Variants in MLLT10 observed in about 807,000 individuals in gnomAD.
MLLT10 encodes the protein protein AF-10.
MLLT10 carries 30 observed loss-of-function variants against 129.1 expected under a neutral mutation model. The observed-to-expected ratio is 0.23, with a 90% CI of 0.17 to 0.32. The LOEUF (loss-of-function observed/expected upper bound fraction) is 0.32, where lower values mean the gene tolerates loss of function less well. MLLT10 is among the 10% of genes least tolerant of loss of function. MLLT10 has a pLI of 1.00. For synonymous variants in MLLT10, 490 were observed against 446.4 expected (o/e 1.10, Z -1.23); for missense variants, 1,119 against 1,268.3 (o/e 0.88, Z 1.79).
chr10:21,656,380 T>C (rs917206455), intron 9 of MLLT10, among the ~76,000 whole-genome samples: 2 of 152,048 alleles, frequency 1.3e-5, no homozygotes, highest in Non-Finnish European at 2.9e-5. Context: ...ATGTACACAA[T>C]GTGTAGACTC....
intron 8 of MLLT10, among the ~76,000 whole-genome samples, chr10:21,632,960 A>G (rs1327509341): frequency 6.6e-6 from 1 of 152,214 alleles, no homozygotes; most frequent in East Asian, 1.9e-4. Flanking sequence ...CTTAGGATCT[A>G]TTAAACATGG....
chr10:21,735,164 G>A lies in MLLT10; in HGVS notation c.2884G>A (p.Asp962Asn). The stretch of plus-strand genomic sequence containing the variant: ...TGCCTCAGGACTAGGATTACTTTCT[G>A]ACCAGCAACGACAAATACTTATTCA... The part of the protein sequence containing the change: ...NSASGLGLLS[D>N]QQRQILIHQQ... The change falls in exon 21 of 23, where the codon GAC becomes AAC. Residue 962 changes from aspartate to asparagine, a missense_variant. Physicochemically the swap from Asp to Asn is conservative, Grantham distance 23. This residue lies in a region of MLLT10 where 1,004 missense variants were observed against 1,008.7 expected (regional missense o/e 1.00). Transcript: ENST00000307729. 6.2e-7 allele frequency: 1 copy of A among 1,613,936 alleles called. No individual in the cohort carries two copies. The highest frequency in any genetic ancestry group is 1.1e-5 in the South Asian group (1 of 91,064).
chr10:21,705,120 G>A (rs755550267), intron 13 of MLLT10, among the ~76,000 whole-genome samples: 1 of 152,182 alleles, frequency 6.6e-6, no homozygotes, highest in East Asian at 1.9e-4. Flanking sequence ...CAGCCAGCCA[G>A]TGTGGTGTGC....
intron 11 of MLLT10, among the ~76,000 whole-genome samples, chr10:21,680,711 T>C (rs188502347): frequency 2.6e-3 from 389 of 152,136 alleles, no homozygotes; most frequent in East Asian, 9.1e-3. Flanking sequence ...GTGGCTCACG[T>C]CGGTAATCCC....
At chr10:21,741,111 T>C (rs1197295479) in intron 22 of MLLT10, among the ~76,000 whole-genome samples, 1 of 152,222 alleles carries the variant, frequency 6.6e-6, no homozygotes, top group Non-Finnish European at 1.5e-5. Context: ...GTAACGAGAA[T>C]TATTCAAAAT....
chr10:21,706,606 C>T (rs1340039571), intron 13 of MLLT10, among the ~76,000 whole-genome samples: 4 of 152,190 alleles, frequency 2.6e-5, no homozygotes, highest in African/African-American at 7.2e-5. Context: ...ATTCCATTCA[C>T]AGTCTTTTTC....
chr10:21,743,323 G>T lies in MLLT10; in HGVS notation c.*1340G>T, dbSNP rs1184539995. 3.6e-5 allele frequency: 8 copies of T among 220,654 alleles called. No homozygotes were observed. In the Admixed American group the frequency reaches 4.6e-4, roughly 13 times the overall value. The allele number at this position is 220,654 out of a possible 1,614,324, so 13.7% of individuals were successfully genotyped here. A position where few individuals can be genotyped will look rare whatever the true frequency, so the allele number is the denominator to read the frequency against. The stretch of plus-strand genomic sequence containing the variant: ...AAATAAAGTTTTGTGAATCTGTTTT[G>T]TATTGTGACAAATTCATAAGATAAC... On this transcript the variant is annotated 3_prime_UTR_variant, in exon 23 of 23. Transcript: ENST00000307729.
At chr10:21,556,530 T>C (rs892437305) in intron 3 of MLLT10, 6 of 736,766 alleles carry the variant, frequency 8.1e-6, no homozygotes, top group African/African-American at 3.6e-5. Flanking sequence ...TGAGTGTAGA[T>C]TTCTTCCATT....
At chr10:21,695,982 C>T (rs1176404645) in intron 13 of MLLT10, among the ~76,000 whole-genome samples, 2 of 146,904 alleles carry the variant, frequency 1.4e-5, no homozygotes, top group African/African-American at 5.0e-5. Context: ...GTGGTCTGCC[C>T]TTCCACTGAA....
intron 16 of MLLT10, among the ~76,000 whole-genome samples, chr10:21,729,894 C>CT (rs778999005): frequency 1.8e-4 from 28 of 152,074 alleles, no homozygotes; most frequent in Non-Finnish European, 3.7e-4. Flanking sequence ...AATACAAGTG[C>CT]TGTTTGTTTT....
chr10:21,652,055 GGC>G (rs561842200), intron 9 of MLLT10, among the ~76,000 whole-genome samples: 205 of 151,984 alleles, frequency 1.3e-3, no homozygotes, highest in Non-Finnish European at 2.4e-3. Context: ...TGGGACTACA[GGC>G]GCGTGCCACT....
intron 8 of MLLT10, among the ~76,000 whole-genome samples, chr10:21,636,427 G>A (rs2047466062): frequency 6.6e-6 from 1 of 152,010 alleles, no homozygotes; most frequent in Non-Finnish European, 1.5e-5. Context: ...ACTGCGACCG[G>A]CCCATGATTT....
At chr10:21,648,060 C>A (rs570769993) in intron 8 of MLLT10, among the ~76,000 whole-genome samples, 27 of 152,138 alleles carry the variant, frequency 1.8e-4, no homozygotes, top group Non-Finnish European at 3.5e-4. Flanking sequence ...AGTTCTAGTA[C>A]CATTATTAAG....
intron 14 of MLLT10, among the ~76,000 whole-genome samples, chr10:21,725,675 C>T (rs926310001): frequency 1.5e-4 from 22 of 145,156 alleles, no homozygotes; most frequent in East Asian, 6.5e-4. Flanking sequence ...GAGCCGAGAA[C>T]GCGCCATTGC....
At chr10:21,626,359 C>T (rs373928484) in intron 8 of MLLT10, 30 of 673,258 alleles carry the variant, frequency 4.5e-5, no homozygotes, top group African/African-American at 2.0e-4. Context: ...CTAGAAATCT[C>T]GCACGCGTGC....
chr10:21,735,244 T>G lies in MLLT10; in HGVS notation c.2955+9T>G. The G allele has an allele frequency of 6.3e-7, 1 of 1,585,080 alleles. No individual in the cohort carries two copies. The highest frequency in any genetic ancestry group is 1.1e-5 in the South Asian group (1 of 90,164). On this transcript the variant is annotated intron_variant, in intron 21 of 22. Coordinates refer to ENST00000307729, the MANE Select transcript of MLLT10 (RefSeq NM_001195626.3). ...CTCAACAGCTCACACCAGTAAGTTC[T>G]TTCTTTTGATAATATCTTATTAGGA...
chr10:21,669,516 ATTAAC>A (rs1390535701), intron 9 of MLLT10, among the ~76,000 whole-genome samples: 1 of 152,196 alleles, frequency 6.6e-6, no homozygotes, highest in Non-Finnish European at 1.5e-5. Context: ...ATAAAAAAGT[ATTAAC>A]TTATCCAACA....
At chr10:21,536,172 C>T (rs1277239966) in intron 2 of MLLT10, among the ~76,000 whole-genome samples, 2 of 152,182 alleles carry the variant, frequency 1.3e-5, no homozygotes, top group Non-Finnish European at 2.9e-5. Flanking sequence ...AATTCCTGAC[C>T]TCAGGTGATC....
chr10:21,562,823 T>G lies in MLLT10; in HGVS notation c.241-23471T>G, dbSNP rs1251157879. On this transcript the variant is annotated intron_variant, in intron 3 of 22. Transcript: ENST00000307729. ...ACATATACTTTGTTTTTTTTGTTTT[T>G]TTTTTTTTTTTTTTTGAGACAGTTT... Among the ~76,000 whole-genome samples the G allele has an allele frequency of 3.3e-4, 45 of 138,348 alleles. 2 individuals carry two copies. The highest frequency in any genetic ancestry group is 2.5e-3 in the Admixed American group (35 of 14,136). 90.8% of individuals were successfully genotyped at this position (138,348 alleles called of 152,430 possible).
Sources: gnomAD v4.1 joint callset for allele counts (sites outside exome capture counted in the v4.1 genomes callset) on GRCh38, gnomAD v4.1.1 for gene constraint, gnomAD v4.1.1 regional missense constraint, MANE v1.5 for transcripts, NCBI Gene and HGNC (gene_info 2026-07-23, HGNC 2026-07-21) for gene names.